Variants in CFAP91 observed in about 807,000 individuals in gnomAD.
CFAP91 encodes cilia- and flagella-associated protein 91.
CFAP91 carries 85 observed loss-of-function variants against 95.9 expected under a neutral mutation model. The observed-to-expected ratio is 0.89, with a 90% CI of 0.74 to 1.06. CFAP91 has a LOEUF of 1.06. Ranked by LOEUF, CFAP91 falls within the 50% of genes least tolerant of loss-of-function variation. The pLI is 0.00. For synonymous variants in CFAP91, 335 were observed against 327.5 expected (o/e 1.02, Z -0.25); for missense variants, 962 against 943.4 (o/e 1.02, Z -0.26).
At chr3:119,729,604 A>G (rs1400555710) in intron 7 of CFAP91, among the ~76,000 whole-genome samples, 1 of 151,872 alleles carries the variant, frequency 6.6e-6, no homozygotes, top group Non-Finnish European at 1.5e-5. Context: ...AGATCAGGCT[A>G]CTGCACTCCA....
intron 17 of CFAP91, among the ~76,000 whole-genome samples, chr3:119,756,691 A>G (rs937848276): frequency 6.6e-6 from 1 of 152,162 alleles, no homozygotes; most frequent in East Asian, 1.9e-4. Context: ...GACATTGATA[A>G]CTCAATGATC....
chr3:119,749,213 A>G (rs1383630981), intron 16 of CFAP91: 2 of 152,136 alleles, frequency 1.3e-5, no homozygotes, highest in African/African-American at 4.8e-5. Context: ...GAGAGGAGGA[A>G]AACTGGGTTT....
chr3:119,742,030 A>C (rs2054130679), intron 13 of CFAP91, among the ~76,000 whole-genome samples: 2 of 152,330 alleles, frequency 1.3e-5, no homozygotes, highest in East Asian at 3.9e-4. Flanking sequence ...ATGCCCTGGA[A>C]GCGCTAGGCC....
intron 16 of CFAP91, among the ~76,000 whole-genome samples, chr3:119,749,765 C>G (rs925405156): frequency 3.3e-5 from 5 of 152,260 alleles, no homozygotes; most frequent in Middle Eastern, 3.4e-3. Context: ...TATATACACT[C>G]TTTACCCAAA....
At chr3:119,739,798 A>G (rs1488327055) in intron 12 of CFAP91, among the ~76,000 whole-genome samples, 2 of 152,088 alleles carry the variant, frequency 1.3e-5, no homozygotes, top group Non-Finnish European at 2.9e-5. Context: ...TGCCCACACT[A>G]TTTATTCTTT....
chr3:119,733,299 C>T, intron 9 of CFAP91, 65 bp from the exon 10 acceptor site: 2 of 1,550,078 alleles, frequency 1.3e-6, no homozygotes, highest in South Asian at 2.4e-5. Flanking sequence ...CAAAAGTTAA[C>T]AATATACCTT....
intron 6 of CFAP91, among the ~76,000 whole-genome samples, chr3:119,721,290 A>T (rs1046807861): frequency 1.3e-5 from 2 of 152,236 alleles, no homozygotes; most frequent in African/African-American, 4.8e-5. Context: ...GTGCTCATTT[A>T]TGACATATAC....
At position 119,765,237 on chromosome 3, in the gene CFAP91, C is replaced by A. The variant is rs550904648; in HGVS notation, c.*187C>A. ...CAATAATAATAATCAAATGAAAAAG[C>A]TTCATTCTCTTCAGTGTCTTCTAGA... On this transcript the variant is annotated 3_prime_UTR_variant, in exon 18 of 18. Coordinates refer to ENST00000273390, the MANE Select transcript of CFAP91 (RefSeq NM_033364.4). 2.2e-4 allele frequency: 34 copies of A among 152,200 alleles called. No homozygotes were observed. The highest frequency in any genetic ancestry group is 7.9e-4 in the African/African-American group (33 of 41,530). 9.4% of individuals were successfully genotyped at this position (152,200 alleles called of 1,614,324 possible). A position where few individuals can be genotyped will look rare whatever the true frequency, so the allele number is the denominator to read the frequency against.
At chr3:119,748,574 A>G (rs1367078819) in intron 16 of CFAP91, among the ~76,000 whole-genome samples, 3 of 152,258 alleles carry the variant, frequency 2.0e-5, no homozygotes, top group Non-Finnish European at 4.4e-5. Context: ...ATAGCAGCTC[A>G]GAAGTATTGA....
chr3:119,749,398 C>G (rs1055329346), intron 16 of CFAP91, among the ~76,000 whole-genome samples: 1 of 152,132 alleles, frequency 6.6e-6, no homozygotes, highest in South Asian at 2.1e-4. Flanking sequence ...GTGGTATGCA[C>G]CTGTAGTCCC....
At chr3:119,723,164 T>C (rs746572425) in intron 6 of CFAP91, among the ~76,000 whole-genome samples, 1 of 152,078 alleles carries the variant, frequency 6.6e-6, no homozygotes, top group Non-Finnish European at 1.5e-5. Context: ...CCAGTAAATA[T>C]TTGTAAGGAC....
chr3:119,726,244 C>T lies in CFAP91; in HGVS notation c.756C>T (p.Ala252=), dbSNP rs143415513. The change falls in exon 7 of 18, where the codon GCC becomes GCT. Residue 252 remains alanine (A), a synonymous_variant. Coordinates refer to ENST00000273390, the MANE Select transcript of CFAP91 (RefSeq NM_033364.4). The stretch of plus-strand genomic sequence containing the variant: ...CCCGCGAGAAGCGTGCTTGGGAAGC[C>T]TCTCTCCCCGCTCTGAGTGACACCT... ...ERAREKRAWE[A]SLPALSDTSQ... 17 of 1,613,830 alleles carry T rather than the reference C, an allele frequency of 1.1e-5. No homozygotes were observed. In the African/African-American group the frequency reaches 2.1e-4, roughly 20 times the overall value.
intron 17 of CFAP91, among the ~76,000 whole-genome samples, chr3:119,757,497 A>T (rs1489876267): frequency 6.6e-6 from 1 of 151,964 alleles, no homozygotes; most frequent in East Asian, 1.9e-4. Context: ...TTAAAAAAAA[A>T]TTAGCCAGGC....
At chr3:119,707,050 G>T (rs1396837550) in intron 2 of CFAP91, 165 bp downstream of exon 2, 2 of 600,944 alleles carry the variant, frequency 3.3e-6, no homozygotes, top group African/African-American at 1.9e-5. Flanking sequence ...AATACGTGTG[G>T]CTCATTGTGA....
At chr3:119,762,550 C>A (rs2054555668) in intron 17 of CFAP91, among the ~76,000 whole-genome samples, 1 of 151,886 alleles carries the variant, frequency 6.6e-6, no homozygotes, top group Non-Finnish European at 1.5e-5. Context: ...GCAAAAAGAA[C>A]AAAGCCATCA....
intron 11 of CFAP91, among the ~76,000 whole-genome samples, chr3:119,738,368 A>T (rs1160767903): frequency 2.4e-4 from 2 of 8,178 alleles, no homozygotes; most frequent in African/African-American, 1.7e-4. Context: ...TTTTTTTTTG[A>T]GACAGAATCT....
At chr3:119,715,338 A>G (rs1420795746) in intron 5 of CFAP91, 1 of 667,282 alleles carries the variant, frequency 1.5e-6, no homozygotes. Context: ...CAACCATGGT[A>G]CTTTGACCCA....
chr3:119,740,570 C>T lies in CFAP91; in HGVS notation c.1555C>T (p.Arg519Ter), dbSNP rs563927478. Reference protein sequence around the residue: ...QNMMFEGKEKRLELIQELRTC... With the variant: ...QNMMFEGKEK ...ACAGATGTTTGAAGGGAAAGAAAAG[C>T]GACTGGAGTTGATCCAGGAGTTGCG... The change falls in exon 13 of 18, where the codon CGA becomes TGA. Residue 519 changes from arginine (R) to a stop codon, truncating the protein, a stop_gained. Coordinates refer to ENST00000273390, the MANE Select transcript of CFAP91 (RefSeq NM_033364.4). LOFTEE classifies it high-confidence loss of function. The T allele has an allele frequency of 1.3e-5, 21 of 1,613,422 alleles. 1 individual carries two copies. The Admixed American group carries it at 1.3e-4, about 10-fold the overall frequency.
intron 10 of CFAP91, among the ~76,000 whole-genome samples, chr3:119,734,575 A>T (rs1405455417): frequency 6.6e-6 from 1 of 152,216 alleles, no homozygotes; most frequent in African/African-American, 2.4e-5. Context: ...AGTAACATTT[A>T]TAATTGTTTA....
Sources: allele counts gnomAD v4.1 joint callset (sites outside exome capture counted in the v4.1 genomes callset), GRCh38; gene constraint gnomAD v4.1.1; transcripts MANE v1.5; gene names NCBI Gene and HGNC (gene_info 2026-07-23, HGNC 2026-07-21).